The following SLC25A13 variants were observed in gnomAD, a reference collection of about 807,000 sequenced individuals.
SLC25A13 encodes electrogenic aspartate/glutamate antiporter SLC25A13, mitochondrial.
SLC25A13 carries 70 observed loss-of-function variants against 85.5 expected under a neutral mutation model. The ratio of observed to expected loss-of-function variants is 0.82; its 90% CI spans 0.68 to 1.00. SLC25A13 has a LOEUF of 1.00. SLC25A13 is among the 50% of genes least tolerant of loss of function. The probability of loss-of-function intolerance (pLI) is 0.00; values close to 1 mark genes in which losing one functional copy is unlikely to be tolerated. For missense variants in SLC25A13, 765 were observed against 819.8 expected (o/e 0.93, Z 0.82); for synonymous variants, 259 against 288.7 (o/e 0.90, Z 1.04).
chr7:96,241,532 ATTAT>A (rs528888094), intron 3 of SLC25A13, among the ~76,000 whole-genome samples: 434 of 152,316 alleles, frequency 2.8e-3, no homozygotes, highest in African/African-American at 9.6e-3. Flanking sequence ...TGTGTAGAAA[ATTAT>A]TTGTTTCTTA....
Position 96,223,913 on chromosome 7 carries a change from T to C in SLC25A13, c.328+10889A>G, listed in dbSNP as rs562612962. Reference sequence around the variant, plus strand: ...AGTAGGAATAGGTAATGTCTTAAATTAGCATTATAAGATACATCACTGGTA... The same window carrying C: ...AGTAGGAATAGGTAATGTCTTAAATCAGCATTATAAGATACATCACTGGTA... On this transcript the variant is annotated intron_variant, in intron 4 of 17. Transcript: ENST00000265631. Among the ~76,000 whole-genome samples the C allele has an allele frequency of 5.5e-4, 84 of 152,154 alleles. 1 individual carries two copies. The highest frequency in any genetic ancestry group is 9.1e-4 in the Non-Finnish European group (62 of 68,014).
chr7:96,223,760 C>A (rs1796223495), intron 4 of SLC25A13, among the ~76,000 whole-genome samples: 1 of 142,446 alleles, frequency 7.0e-6, no homozygotes, highest in South Asian at 2.2e-4. Flanking sequence ...TGCACTCCAG[C>A]CGGGGCAACA....
At chr7:96,193,357 T>A (rs1794934619) in intron 5 of SLC25A13, among the ~76,000 whole-genome samples, 174 bp from the exon 6 acceptor site, 1 of 152,166 alleles carries the variant, frequency 6.6e-6, no homozygotes. Context: ...AGACAGAACT[T>A]TGCTCAGACC....
At chr7:96,282,311 C>T (rs1798716284) in intron 2 of SLC25A13, among the ~76,000 whole-genome samples, 1 of 152,122 alleles carries the variant, frequency 6.6e-6, no homozygotes, top group Admixed American at 6.6e-5. Context: ...GGCCTGCTCA[C>T]CATCAGTCAC....
At chr7:96,182,789 C>A (rs1486846025) in intron 11 of SLC25A13, among the ~76,000 whole-genome samples, 1 of 152,184 alleles carries the variant, frequency 6.6e-6, no homozygotes, top group African/African-American at 2.4e-5. Flanking sequence ...ATTAAAGACA[C>A]TGAGCAGTGT....
At chr7:96,268,592 A>G (rs1283568436) in intron 3 of SLC25A13, among the ~76,000 whole-genome samples, 1 of 152,180 alleles carries the variant, frequency 6.6e-6, no homozygotes, top group African/African-American at 2.4e-5. Context: ...ATCATTAAGT[A>G]GATTAAAACA....
intron 3 of SLC25A13, among the ~76,000 whole-genome samples, chr7:96,273,338 A>G (rs188868471): frequency 6.6e-6 from 1 of 152,372 alleles, no homozygotes. Context: ...GAAAGAAACA[A>G]GAATAGGCAA....
At chr7:96,169,943 T>C in intron 13 of SLC25A13, 102 bp downstream of exon 13, 1 of 1,183,452 alleles carries the variant, frequency 8.4e-7, no homozygotes, top group East Asian at 2.3e-5. Context: ...TTGTGCAGGA[T>C]CTGTGGTTAA....
chr7:96,187,404 A>T (rs1439234651), intron 9 of SLC25A13, among the ~76,000 whole-genome samples: 1 of 152,248 alleles, frequency 6.6e-6, no homozygotes, highest in Non-Finnish European at 1.5e-5. Context: ...ACATAGAAAT[A>T]TGCCTCTTTA....
At chr7:96,194,346 G>C (rs914814091) in intron 5 of SLC25A13, among the ~76,000 whole-genome samples, 1 of 148,650 alleles carries the variant, frequency 6.7e-6, no homozygotes, top group Non-Finnish European at 1.5e-5. Context: ...GGAGACTGGG[G>C]TGAGAGGATC....
intron 13 of SLC25A13, among the ~76,000 whole-genome samples, chr7:96,149,488 T>C (rs1387502948): frequency 1.3e-5 from 2 of 152,156 alleles, no homozygotes; most frequent in African/African-American, 4.8e-5. Flanking sequence ...GAGTTAGTTA[T>C]CACTAGGGAT....
chr7:96,136,940 G>A (rs61091550), intron 14 of SLC25A13, among the ~76,000 whole-genome samples: 1,744 of 152,248 alleles, frequency 0.011, 35 homozygotes, highest in African/African-American at 0.04. Flanking sequence ...GGCACCTGTC[G>A]TCAGAGCCAC....
chr7:96,206,415 T>C (rs890358596), intron 5 of SLC25A13, among the ~76,000 whole-genome samples: 2 of 152,176 alleles, frequency 1.3e-5, no homozygotes, highest in Admixed American at 1.3e-4. Context: ...GCATCTGAAG[T>C]AGAGGTCTGA....
chr7:96,191,283 T>C lies in SLC25A13; in HGVS notation c.616-36A>G, dbSNP rs771602693. ...TTGAAAACAAGAGAGAAGAAAAATATACAAAAGATTTATAGATGATTCAGA... is the reference window on the plus strand; with the variant it reads ...TTGAAAACAAGAGAGAAGAAAAATACACAAAAGATTTATAGATGATTCAGA... On this transcript the variant is annotated intron_variant, in intron 6 of 17. Coordinates refer to ENST00000265631, the MANE Select transcript of SLC25A13 (RefSeq NM_014251.3). 3.1e-6 allele frequency: 5 copies of C among 1,608,938 alleles called. No homozygotes were observed. The South Asian group carries it at 5.5e-5, about 18-fold the overall frequency.
At chr7:96,139,655 GTCAC>G (rs1308479807) in intron 14 of SLC25A13, among the ~76,000 whole-genome samples, 3 of 152,146 alleles carry the variant, frequency 2.0e-5, no homozygotes, top group Non-Finnish European at 2.9e-5. Context: ...AAAAGACTCA[GTCAC>G]TCTCTCTCAT....
intron 2 of SLC25A13, among the ~76,000 whole-genome samples, chr7:96,282,359 A>G (rs930406111): frequency 1.3e-5 from 2 of 152,206 alleles, no homozygotes; most frequent in Admixed American, 1.3e-4. Context: ...TGAATGAGCC[A>G]GGGTAGAACC....
At chr7:96,229,393 C>T (rs987104505) in intron 4 of SLC25A13, among the ~76,000 whole-genome samples, 16 of 152,056 alleles carry the variant, frequency 1.1e-4, no homozygotes, top group African/African-American at 3.4e-4. Flanking sequence ...CTCTGTAAAA[C>T]AGACCAATCA....
intron 1 of SLC25A13, among the ~76,000 whole-genome samples, chr7:96,315,617 CAAGAT>C (rs1292987295): frequency 3.3e-5 from 5 of 152,260 alleles, no homozygotes; most frequent in African/African-American, 9.6e-5. Flanking sequence ...CCAGCTCCAA[CAAGAT>C]AAGAACCCCT....
Position 96,121,029 on chromosome 7 carries a change from A to G in SLC25A13, c.*162T>C. On this transcript the variant is annotated 3_prime_UTR_variant, in exon 18 of 18. Coordinates refer to ENST00000265631, the MANE Select transcript of SLC25A13 (RefSeq NM_014251.3). ...ATAATTTCACAATGATCTGGTTAAG[A>G]AAACACCCAGAAAATGAATGATTTC... 1.2e-6 allele frequency: 1 copy of G among 830,290 alleles called. No homozygotes were observed. The allele number at this position is 830,290 out of a possible 1,614,324, so 51.4% of individuals were successfully genotyped here. A position where few individuals can be genotyped will look rare whatever the true frequency, so the allele number is the denominator to read the frequency against.
Sources: gnomAD v4.1 joint callset for allele counts (sites outside exome capture counted in the v4.1 genomes callset) on GRCh38, gnomAD v4.1.1 for gene constraint, MANE v1.5 for transcripts, NCBI Gene and HGNC (gene_info 2026-07-23, HGNC 2026-07-21) for gene names.